UBR2: variants seen among roughly 807,000 people sequenced by gnomAD.
UBR2 encodes ubiquitin protein ligase E3 component n-recognin 2.
UBR2 carries 92 observed loss-of-function variants against 247.9 expected under a neutral mutation model. The ratio of observed to expected loss-of-function variants is 0.37; its 90% CI spans 0.31 to 0.44. UBR2 has a LOEUF of 0.44. Among genes scored for constraint, UBR2 ranks in the 20% least tolerant of loss-of-function variants. UBR2 has a pLI of 1.00. For synonymous variants in UBR2, 672 were observed against 693.5 expected, an observed-to-expected ratio of 0.97 and a Z score of 0.49; for missense variants, 1,613 against 2,112.6, an observed-to-expected ratio of 0.76 and a Z score of 4.64.
In UBR2 at chr6:42,685,247, G is replaced by A. The variant is rs113062732; in HGVS notation, c.4853+376G>A. ...AATCACTTGAACCTGAGAGGCAGAG[G>A]TTGTAGTGAGCCAAGATTGAGCAAT... On this transcript the variant is annotated intron_variant, in intron 44 of 46. Transcript: ENST00000372901. Among the ~76,000 whole-genome samples the A allele has an allele frequency of 5.7e-3, 875 of 152,202 alleles. 11 individuals are homozygous for A. The highest frequency in any genetic ancestry group is 0.019 in the African/African-American group (783 of 41,518).
chr6:42,598,227 A>T (rs1793124838), intron 4 of UBR2, among the ~76,000 whole-genome samples: 1 of 152,222 alleles, frequency 6.6e-6, no homozygotes, highest in Non-Finnish European at 1.5e-5. Flanking sequence ...AGTTGAAAAA[A>T]ATCAACAGAA....
At chr6:42,678,967 A>G (rs1759908575) in intron 41 of UBR2, among the ~76,000 whole-genome samples, 1 of 152,234 alleles carries the variant, frequency 6.6e-6, no homozygotes, top group African/African-American at 2.4e-5. Context: ...TGTATTATTC[A>G]TAAACAAGGT....
intron 11 of UBR2, among the ~76,000 whole-genome samples, chr6:42,625,505 A>G (rs2151946382): frequency 6.6e-6 from 1 of 152,214 alleles, no homozygotes; most frequent in Middle Eastern, 3.4e-3. Flanking sequence ...GCTGGAGTGC[A>G]GTGGCATGAT....
intron 4 of UBR2, among the ~76,000 whole-genome samples, chr6:42,596,203 T>C (rs1792964876): frequency 6.7e-6 from 1 of 150,142 alleles, no homozygotes; most frequent in Non-Finnish European, 1.5e-5. Flanking sequence ...AAGACTTGAA[T>C]AGACATTTTT....
At chr6:42,628,550 C>T (rs1453572246) in intron 11 of UBR2, among the ~76,000 whole-genome samples, 3 of 151,802 alleles carry the variant, frequency 2.0e-5, no homozygotes, top group Non-Finnish European at 2.9e-5. Flanking sequence ...GGTGAAACCC[C>T]GTCTCTTCTA....
intron 11 of UBR2, chr6:42,619,451 A>ATTTTTTTTTTTTTTT (rs1310062071): frequency 4.3e-5 from 1 of 23,018 alleles, no homozygotes; most frequent in Non-Finnish European, 9.5e-5. Context: ...ATATATATAT[A>ATTTTTTTTTTTTTTT]TATTTTTTTT....
At chr6:42,614,183 A>C (rs1316730429) in intron 8 of UBR2, among the ~76,000 whole-genome samples, 10 of 27,010 alleles carry the variant, frequency 3.7e-4, no homozygotes. Flanking sequence ...TCTCCAAAAA[A>C]AAAAAAAAAA....
chr6:42,639,950 C>T (rs1459884421), intron 15 of UBR2, among the ~76,000 whole-genome samples: 1 of 152,160 alleles, frequency 6.6e-6, no homozygotes, highest in Non-Finnish European at 1.5e-5. Flanking sequence ...ATGGCGTGAA[C>T]CCGGGAGGCG....
intron 34 of UBR2, 114 bp downstream of exon 34, chr6:42,666,359 T>A: frequency 5.0e-6 from 4 of 799,296 alleles, no homozygotes; most frequent in Non-Finnish European, 7.8e-6. Flanking sequence ...TATAGGATAC[T>A]GATCTTTAGT....
At position 42,687,528 on chromosome 6, in the gene UBR2, T is replaced by TTTTATTTATTTA. The variant is rs36075254; in HGVS notation, c.4854-669_4854-658dup. Among the ~76,000 whole-genome samples the TTTTATTTATTTA allele has an allele frequency of 5.6e-3, 831 of 149,240 alleles. 2 individuals carry two copies. Among genetic ancestry groups the TTTTATTTATTTA allele is most frequent in the Middle Eastern group, 0.024 (7 of 294 alleles). On this transcript the variant is annotated intron_variant, in intron 44 of 46. Coordinates refer to ENST00000372901, the MANE Select transcript of UBR2 (RefSeq NM_001363705.2). Reference sequence around the variant, plus strand: ...AGGGAGAGCTGTATGTTGTATTTTATTTTATTTATTTATTTATTTATTTAT... The same window carrying TTTTATTTATTTA: ...AGGGAGAGCTGTATGTTGTATTTTATTTTATTTATTTATTTATTTATTTATTTATTTATTTAT...
intron 2 of UBR2, among the ~76,000 whole-genome samples, chr6:42,586,647 T>C (rs1792299101): frequency 1.3e-5 from 2 of 151,388 alleles, no homozygotes; most frequent in Non-Finnish European, 2.9e-5. Flanking sequence ...TTTTTGGCTC[T>C]TTAGCTGTTC....
intron 10 of UBR2, among the ~76,000 whole-genome samples, chr6:42,616,694 C>T (rs1329166018): frequency 6.7e-6 from 1 of 149,936 alleles, no homozygotes; most frequent in Non-Finnish European, 1.5e-5. Flanking sequence ...TAGTTAAGTT[C>T]TCCCTTTTAG....
intron 1 of UBR2, among the ~76,000 whole-genome samples, chr6:42,567,760 G>T (rs941978160): frequency 6.6e-6 from 1 of 152,136 alleles, no homozygotes; most frequent in Non-Finnish European, 1.5e-5. Flanking sequence ...TACAGGTTGG[G>T]AGCACTGGCT....
Position 42,666,220 on chromosome 6 carries a change from G to A in UBR2, c.3856G>A (p.Gly1286Arg). 1 of 1,612,916 alleles carries A rather than the reference G, an allele frequency of 6.2e-7. No individual in the cohort carries two copies. Among genetic ancestry groups the A allele is most frequent in the Non-Finnish European group, 8.5e-7 (1 of 1,179,450 alleles). The change falls in exon 34 of 47, where the codon GGG becomes AGG. Residue 1286 changes from glycine (G) to arginine (R), a missense_variant. Gly to Arg is a moderately radical substitution (Grantham distance 125). Transcript: ENST00000372901. ...ENVDELQLPE[G>R]FRPDFRPKIP... is the part of the protein sequence containing the mutation. Reference sequence around the variant, plus strand: ...TGTGGATGAATTACAGCTCCCTGAAGGGTTCAGGCCTGATTTTCGTCCTAA... The same window carrying A: ...TGTGGATGAATTACAGCTCCCTGAAAGGTTCAGGCCTGATTTTCGTCCTAA...
chr6:42,662,099 G>T (rs1023076227), intron 30 of UBR2, 85 bp from the exon 31 acceptor site: 12 of 866,086 alleles, frequency 1.4e-5, no homozygotes, highest in Non-Finnish European at 1.8e-5. Flanking sequence ...CTTTATCAAG[G>T]ATTTTACAAT....
At chr6:42,619,873 ACAC>A (rs2151942975) in intron 11 of UBR2, 1 of 778,810 alleles carries the variant, frequency 1.3e-6, no homozygotes, top group East Asian at 1.3e-4. Flanking sequence ...GCATGCCACC[ACAC>A]CCAGCTAGTC....
chr6:42,653,606 C>CTTTTTTTTTTTTTTTTT (rs72460060), intron 25 of UBR2, among the ~76,000 whole-genome samples: 3 of 50,582 alleles, frequency 5.9e-5, no homozygotes, highest in African/African-American at 1.8e-4. Context: ...ATGCTAAGCC[C>CTTTTTTTTTTTTTTTTT]TTTTTTTTTT....
Position 42,632,828 on chromosome 6 carries a change from C to G in UBR2, c.1469C>G (p.Thr490Ser), listed in dbSNP as rs762761523. Residue 490 changes from threonine to serine, a missense_variant, in exon 13 of 47, where the codon ACT (threonine) becomes AGT (serine). Thr to Ser is a moderately conservative substitution (Grantham distance 58, BLOSUM62 1). Transcript: ENST00000372901. ...AGGTATGTGTTAATTAGCAAACCAA[C>G]TGAATGGTCAGATGAGCTGAGGCAG... is the stretch of plus-strand genomic sequence containing the variant. ...DLKYVLISKP[T>S]EWSDELRQKF... 1 of 1,602,486 alleles carries G rather than the reference C, an allele frequency of 6.2e-7. No individual in the cohort carries two copies. Among genetic ancestry groups the G allele is most frequent in the Admixed American group, 1.8e-5 (1 of 56,532 alleles).
intron 11 of UBR2, among the ~76,000 whole-genome samples, chr6:42,631,857 A>ATT (rs1185788294): frequency 2.4e-4 from 6 of 24,868 alleles, no homozygotes; most frequent in African/African-American, 5.0e-4. Flanking sequence ...ATATACTCTG[A>ATT]TTTTATATAT....
Sources: gnomAD v4.1 joint callset for allele counts (sites outside exome capture counted in the v4.1 genomes callset) on GRCh38, gnomAD v4.1.1 for gene constraint, MANE v1.5 for transcripts, NCBI Gene and HGNC (gene_info 2026-07-23, HGNC 2026-07-21) for gene names.